NRL: variants seen among roughly 807,000 people sequenced by gnomAD.
The protein encoded by NRL is neural retina-specific leucine zipper protein.
A neutral mutation model predicts 12.5 loss-of-function variants in NRL; 16 were observed. The observed-to-expected ratio is 1.28, with a 90% CI of 0.87 to 1.95. The LOEUF (loss-of-function observed/expected upper bound fraction) is 1.95. Ranked by LOEUF, NRL falls within the 30% of genes most tolerant of loss-of-function variation. The pLI, the probability that NRL is intolerant of heterozygous loss-of-function variation, is 0.00. For missense variants in NRL, 314 were observed against 325.8 expected (o/e 0.96, Z 0.28); for synonymous variants, 142 against 150.9 (o/e 0.94, Z 0.43).
At chr14:24,087,998 A>G (rs1028373395) in intron 1 of NRL, among the ~76,000 whole-genome samples, 1 of 152,136 alleles carries the variant, frequency 6.6e-6, no homozygotes, top group Non-Finnish European at 1.5e-5. Flanking sequence ...ACTGCACTCT[A>G]GCTTTGGAGA....
intron 1 of NRL, among the ~76,000 whole-genome samples, chr14:24,084,082 G>A (rs999575180): frequency 2.6e-5 from 4 of 152,152 alleles, no homozygotes; most frequent in African/African-American, 4.8e-5. Context: ...CCTTCTAGAT[G>A]CCCCAAGCCT....
At chr14:24,099,483 G>C in intron 1 of NRL, 1 of 1,380,306 alleles carries the variant, frequency 7.2e-7, no homozygotes, top group Non-Finnish European at 9.9e-7. Flanking sequence ...TTAGACCCTA[G>C]CTGCCCTTCC....
At chr14:24,103,034 G>A in intron 1 of NRL, 1 of 1,199,674 alleles carries the variant, frequency 8.3e-7, no homozygotes, top group Non-Finnish European at 1.2e-6. Flanking sequence ...TTGGGAGGAG[G>A]CAAAGGGTCT....
intron 1 of NRL, among the ~76,000 whole-genome samples, chr14:24,095,810 C>T (rs1400421712): frequency 6.6e-6 from 1 of 152,228 alleles, no homozygotes; most frequent in Admixed American, 6.5e-5. Context: ...GGACGCTGAC[C>T]TCCTGAGAAT....
chr14:24,082,068 G>C (rs2036327877), intron 2 of NRL: 1 of 1,204,810 alleles, frequency 8.3e-7, no homozygotes, highest in Non-Finnish European at 1.0e-6. Flanking sequence ...GAAGGTTGGG[G>C]GCTGGGAAGC....
At chr14:24,086,529 A>G (rs558901424) in intron 1 of NRL, among the ~76,000 whole-genome samples, 83 of 152,354 alleles carry the variant, frequency 5.4e-4, no homozygotes, top group African/African-American at 1.8e-3. Context: ...CAAAATGGGA[A>G]TGAGGATCAT....
At chr14:24,114,583 A>G in intron 1 of NRL, 139 bp downstream of exon 1, 5 of 742,276 alleles carry the variant, frequency 6.7e-6, no homozygotes, top group Non-Finnish European at 8.2e-6. Flanking sequence ...CCCGCCTCTC[A>G]GCCGTTACGC....
chr14:24,094,651 T>C lies in NRL; in HGVS notation c.-27-11776A>G. On this transcript the variant is annotated intron_variant, in intron 1 of 2. Coordinates refer to ENST00000561028, the MANE Select transcript of NRL (RefSeq NM_001354768.3). The surrounding 1 kb of genome is among the most constrained non-coding windows in gnomAD (Gnocchi z 4.1). ...TCGTTTCCGCCTGCACCTCCCCTTC[T>C]CTGCCTCGCTCGCCTCTGACCGCGC... is the stretch of plus-strand genomic sequence containing the variant. The C allele has an allele frequency of 6.7e-7, 1 of 1,498,874 alleles. No homozygotes were observed. The highest frequency in any genetic ancestry group is 8.9e-7 in the Non-Finnish European group (1 of 1,125,870). The allele number at this position is 1,498,874 out of a possible 1,614,324, so 92.8% of individuals were successfully genotyped here.
chr14:24,106,990 C>T (rs563174853), intron 1 of NRL, among the ~76,000 whole-genome samples: 31 of 152,080 alleles, frequency 2.0e-4, no homozygotes, highest in Non-Finnish European at 4.4e-4. Context: ...CACCGAATAA[C>T]CATTTAATAC....
intron 1 of NRL, among the ~76,000 whole-genome samples, chr14:24,105,106 G>T (rs2037315970): frequency 6.6e-6 from 1 of 152,234 alleles, no homozygotes; most frequent in Non-Finnish European, 1.5e-5. Flanking sequence ...TGTTTTTATA[G>T]ATTAACTAAA....
Position 24,094,798 on chromosome 14 carries a change from C to G in NRL, c.-27-11923G>C, listed in dbSNP as rs745778033. The G allele has an allele frequency of 2.2e-6, 3 of 1,358,790 alleles. No homozygotes were observed. The South Asian group carries it at 3.7e-5, about 17-fold the overall frequency. The allele number at this position is 1,358,790 out of a possible 1,614,324, so 84.2% of individuals were successfully genotyped here. On this transcript the variant is annotated intron_variant, in intron 1 of 2. Transcript: ENST00000561028. The surrounding 1 kb of genome is among the most constrained non-coding windows in gnomAD (Gnocchi z 4.1). ...CCTCGGACCTCTAACGGGCTCTCAGCCAGCGCCCCAGGGTACTTCGAGAGG... is the reference window on the plus strand; with the variant it reads ...CCTCGGACCTCTAACGGGCTCTCAGGCAGCGCCCCAGGGTACTTCGAGAGG...
At chr14:24,090,116 C>T (rs2036573459) in intron 1 of NRL, among the ~76,000 whole-genome samples, 1 of 151,804 alleles carries the variant, frequency 6.6e-6, no homozygotes, top group Non-Finnish European at 1.5e-5. Flanking sequence ...GGAAGGATCA[C>T]GTATGTCAGC....
At position 24,081,259 on chromosome 14, in the gene NRL, C is replaced by T. The variant is rs754996626; in HGVS notation, c.691G>A (p.Asp231Asn). Residue 231 changes from aspartate (D) to asparagine (N), a missense_variant, in exon 3 of 3, where the codon GAC (aspartate) becomes AAC (asparagine). Asp to Asn is a conservative substitution (Grantham distance 23). Coordinates refer to ENST00000561028, the MANE Select transcript of NRL (RefSeq NM_001354768.3). This position sits in a 1 kb window ranked among gnomAD's most constrained non-coding sequence, Gnocchi z 4.4. ...RLTSSGPGSG[D>N]PSHLFL ...GCTCAGAGGAAGAGGTGGGAGGGGT[C>T]CCCGGACCCGGGGCCGCTCGAGGTT... The T allele has an allele frequency of 3.5e-5, 53 of 1,504,906 alleles. No individual in the cohort carries two copies. The highest frequency in any genetic ancestry group is 4.5e-5 in the Non-Finnish European group (51 of 1,125,484). The allele number at this position is 1,504,906 out of a possible 1,614,324, so 93.2% of individuals were successfully genotyped here. A position where few individuals can be genotyped will look rare whatever the true frequency, so the allele number is the denominator to read the frequency against.
chr14:24,103,729 AG>A (rs1294777562), intron 1 of NRL: 2 of 1,613,848 alleles, frequency 1.2e-6, no homozygotes, highest in African/African-American at 1.3e-5. Context: ...CGGCGGTTAG[AG>A]GGGGAGGACA....
In NRL at chr14:24,085,555, T is replaced by C. The variant is rs1418953459; in HGVS notation, c.-27-2680A>G. Among the ~76,000 whole-genome samples the C allele has an allele frequency of 2.0e-5, 3 of 152,208 alleles. No homozygotes were observed. Among genetic ancestry groups the C allele is most frequent in the Non-Finnish European group, 2.9e-5 (2 of 68,034 alleles). The stretch of plus-strand genomic sequence containing the variant: ...AATTATCCAAGGAGATGTTTAAACC[T>C]GTCCGAAGCTGTTTAAATAGGGTCT... On this transcript the variant is annotated intron_variant, in intron 1 of 2. Coordinates refer to ENST00000561028, the MANE Select transcript of NRL (RefSeq NM_001354768.3). This position sits in a 1 kb window ranked among gnomAD's most constrained non-coding sequence, Gnocchi z 4.1.
rs982271740 is a variant in NRL at position 24,080,621 on chromosome 14, C to T, written c.*615G>A. ...TGGGACTAGGACCCAGGTTTCCAGACTTCTGCACACAGCTCTCTCCCAACC... is the reference window on the plus strand; with the variant it reads ...TGGGACTAGGACCCAGGTTTCCAGATTTCTGCACACAGCTCTCTCCCAACC... On this transcript the variant is annotated 3_prime_UTR_variant, in exon 3 of 3. Coordinates refer to ENST00000561028, the MANE Select transcript of NRL (RefSeq NM_001354768.3). 2 of 152,670 alleles carry T rather than the reference C, an allele frequency of 1.3e-5. No homozygotes were observed. Among genetic ancestry groups the T allele is most frequent in the African/African-American group, 4.8e-5 (2 of 41,440 alleles). The allele number at this position is 152,670 out of a possible 1,614,324, so 9.5% of individuals were successfully genotyped here. A position where few individuals can be genotyped will look rare whatever the true frequency, so the allele number is the denominator to read the frequency against.
chr14:24,100,236 G>A (rs758217621), intron 1 of NRL: 1 of 1,613,428 alleles, frequency 6.2e-7, no homozygotes, highest in Non-Finnish European at 8.5e-7. Context: ...GGGAAGGTGT[G>A]GCACAGCCTC....
intron 1 of NRL, chr14:24,103,919 G>A: frequency 6.2e-7 from 1 of 1,614,154 alleles, no homozygotes; most frequent in Non-Finnish European, 8.5e-7. Flanking sequence ...CCAAAGAGGT[G>A]TTGGCTGAGC....
chr14:24,096,074 G>T (rs2036863456), intron 1 of NRL, among the ~76,000 whole-genome samples: 1 of 151,852 alleles, frequency 6.6e-6, no homozygotes, highest in Non-Finnish European at 1.5e-5. Context: ...CACACCAGAA[G>T]GAAAGAATAA....
Sources: gnomAD v4.1 joint callset for allele counts (sites outside exome capture counted in the v4.1 genomes callset) on GRCh38, gnomAD v4.1.1 for gene constraint, Gnocchi (gnomAD v3.1) non-coding constraint, MANE v1.5 for transcripts, NCBI Gene and HGNC (gene_info 2026-07-23, HGNC 2026-07-21) for gene names.